The following HSD17B12 variants were observed in gnomAD, a reference collection of about 807,000 sequenced individuals.
HSD17B12 encodes hydroxysteroid 17-beta dehydrogenase 12, also known as very-long-chain 3-oxoacyl-CoA reductase.
In HSD17B12, 32 loss-of-function variants were observed where a neutral mutation model predicts 39.3. That is an observed-to-expected ratio of 0.81 (90% CI 0.61 to 1.09). The LOEUF is 1.09. Among genes scored for constraint, HSD17B12 ranks in the 50% least tolerant of loss-of-function variants. The pLI is 0.00. For synonymous variants in HSD17B12, 150 were observed against 146.7 expected, an observed-to-expected ratio of 1.02 and a Z score of -0.16; for missense variants, 342 against 382.9, an observed-to-expected ratio of 0.89 and a Z score of 0.89.
At chr11:43,579,467 T>C in the HSD17B12 span, 3 of 152,210 alleles carry the variant, frequency 2.0e-5, no homozygotes, top group African/African-American at 4.8e-5. Context: ...TGCTTCCAGC[T>C]GGCTGCAGTG....
the HSD17B12 span, among the ~76,000 whole-genome samples, chr11:43,575,495 T>C: frequency 6.6e-6 from 1 of 152,218 alleles, no homozygotes; most frequent in Non-Finnish European, 1.5e-5. This position sits in a 1 kb window ranked among gnomAD's most constrained non-coding sequence, Gnocchi z 4.1. Context: ...ATTGGGCGTC[T>C]TGGGAGAGTT....
At chr11:43,754,835 C>T (rs755031681) in intron 3 of HSD17B12, 3 of 757,684 alleles carry the variant, frequency 4.0e-6, no homozygotes, top group African/African-American at 1.7e-5. Context: ...ATAGCAATAC[C>T]CATGTGACAG....
the HSD17B12 span, chr11:43,673,464 T>TTTCTA: frequency 1.4e-5 from 1 of 73,974 alleles, no homozygotes; most frequent in Admixed American, 2.4e-4. Flanking sequence ...CTTTAGTCTT[T>TTTCTA]TTCTTTTCTT....
chr11:43,776,134 C>T (rs1054777529), intron 3 of HSD17B12, among the ~76,000 whole-genome samples: 378 of 152,242 alleles, frequency 2.5e-3, no homozygotes, highest in Non-Finnish European at 4.5e-3. Flanking sequence ...AATGGGATGG[C>T]TGGGTCAAAT....
the HSD17B12 span, among the ~76,000 whole-genome samples, chr11:43,586,604 A>T: frequency 5.9e-5 from 9 of 152,106 alleles, no homozygotes; most frequent in Non-Finnish European, 1.2e-4. Flanking sequence ...CCCAGTAAAG[A>T]TCTGTTTGAT....
At chr11:43,611,238 T>C in the HSD17B12 span, among the ~76,000 whole-genome samples, 4 of 152,198 alleles carry the variant, frequency 2.6e-5, no homozygotes, top group African/African-American at 9.6e-5. Context: ...CAAAATGAAG[T>C]TCCAGAAAAG....
chr11:43,769,109 T>C (rs1360286531), intron 3 of HSD17B12, among the ~76,000 whole-genome samples: 7 of 152,096 alleles, frequency 4.6e-5, no homozygotes, highest in Admixed American at 4.6e-4. Context: ...CTGGCTGATT[T>C]TTGTATTTTT....
the HSD17B12 span, among the ~76,000 whole-genome samples, chr11:43,568,845 C>A: frequency 6.6e-6 from 1 of 152,282 alleles, no homozygotes; most frequent in African/African-American, 2.4e-5. Context: ...ACATCCAGAT[C>A]CTTTCCTGAG....
At chr11:43,768,917 C>T (rs990286006) in intron 3 of HSD17B12, among the ~76,000 whole-genome samples, 1 of 152,194 alleles carries the variant, frequency 6.6e-6, no homozygotes, top group African/African-American at 2.4e-5. Context: ...GGTGCATTTA[C>T]AATCCTCTAG....
rs185211585 is a variant in HSD17B12, at chr11:43,785,630, G to T, written c.284-12690G>T. ...GGCTTTACATGGATGCGTAGTTGGA[G>T]AAGAGAAAGCTATTTTAATAGCTTC... On this transcript the variant is annotated intron_variant, in intron 3 of 10. Coordinates refer to ENST00000278353, the MANE Select transcript of HSD17B12 (RefSeq NM_016142.3). Among the ~76,000 whole-genome samples the T allele has an allele frequency of 2.0e-5, 3 of 152,234 alleles. No individual in the cohort carries two copies. In the East Asian group the frequency reaches 5.8e-4, roughly 29 times the overall value.
intron 1 of HSD17B12, among the ~76,000 whole-genome samples, chr11:43,698,955 T>G (rs578233488): frequency 6.6e-6 from 1 of 152,332 alleles, no homozygotes; most frequent in Admixed American, 6.5e-5. Context: ...TTTAAAGCAA[T>G]TTTTGTTAAT....
intron 9 of HSD17B12, among the ~76,000 whole-genome samples, chr11:43,843,910 G>A (rs182411708): frequency 9.2e-5 from 14 of 152,220 alleles, no homozygotes; most frequent in Middle Eastern, 3.4e-3. Flanking sequence ...TGTTGCTGGC[G>A]GCACTTGTTG....
Position 43,815,514 on chromosome 11 carries a change from T to C in HSD17B12, c.456+13T>C. 6.6e-7 allele frequency: 1 copy of C among 1,512,002 alleles called. No individual in the cohort carries two copies. The highest frequency in any genetic ancestry group is 9.1e-7 in the Non-Finnish European group (1 of 1,099,174). 93.7% of individuals were successfully genotyped at this position (1,512,002 alleles called of 1,614,324 possible). ...TGACTTGGACAATGTAAGTCTTTCT[T>C]TGTGTATTATGGTAACAAAAATAAT... On this transcript the variant is annotated intron_variant, in intron 5 of 10. Transcript: ENST00000278353.
intron 9 of HSD17B12, among the ~76,000 whole-genome samples, chr11:43,844,981 G>GTTGC: frequency 6.6e-6 from 1 of 151,130 alleles, no homozygotes; most frequent in East Asian, 2.0e-4. Context: ...AAAATAAGGG[G>GTTGC]TTGTTTGTTT....
the HSD17B12 span, among the ~76,000 whole-genome samples, chr11:43,605,243 G>A: frequency 6.6e-6 from 1 of 152,090 alleles, no homozygotes; most frequent in Non-Finnish European, 1.5e-5. Flanking sequence ...AATGACTGGG[G>A]ATTTTTTTCT....
the HSD17B12 span, among the ~76,000 whole-genome samples, chr11:43,656,441 A>G: frequency 6.6e-6 from 1 of 152,048 alleles, no homozygotes; most frequent in Non-Finnish European, 1.5e-5. Context: ...GCCTTCTGCT[A>G]GCTTTTGAAT....
chr11:43,813,707 G>A (rs1590321925), intron 4 of HSD17B12, among the ~76,000 whole-genome samples: 1 of 152,240 alleles, frequency 6.6e-6, no homozygotes, highest in South Asian at 2.1e-4. Context: ...ATCTTTTATA[G>A]AATTGACTCT....
chr11:43,738,503 TAA>T (rs779140274), intron 1 of HSD17B12, among the ~76,000 whole-genome samples: 1 of 152,212 alleles, frequency 6.6e-6, no homozygotes, highest in African/African-American at 2.4e-5. Flanking sequence ...TTCTCTCTGT[TAA>T]AGTTCTTGAA....
intron 1 of HSD17B12, among the ~76,000 whole-genome samples, chr11:43,724,720 C>T (rs1436614199): frequency 6.6e-6 from 1 of 152,094 alleles, no homozygotes; most frequent in Non-Finnish European, 1.5e-5. Context: ...ACAAATGCCC[C>T]CTGCTAGTAC....
Sources: allele counts gnomAD v4.1 joint callset (sites outside exome capture counted in the v4.1 genomes callset), GRCh38; gene constraint gnomAD v4.1.1; non-coding constraint Gnocchi (gnomAD v3.1); transcripts MANE v1.5; gene names NCBI Gene and HGNC (gene_info 2026-07-23, HGNC 2026-07-21).